The following PKNOX2 variants were observed in gnomAD, a reference collection of about 807,000 sequenced individuals.
PKNOX2 encodes homeobox protein PKNOX2.
PKNOX2 carries 14 observed loss-of-function variants against 53.1 expected under a neutral mutation model. That is an observed-to-expected ratio of 0.26 (90% CI 0.17 to 0.41). The LOEUF (loss-of-function observed/expected upper bound fraction) is 0.41. PKNOX2 is among the 10% of genes least tolerant of loss of function. PKNOX2 has a pLI of 1.00. For missense variants in PKNOX2, 496 were observed against 602.8 expected, an observed-to-expected ratio of 0.82 and a Z score of 1.85; for synonymous variants, 257 against 242.8, an observed-to-expected ratio of 1.06 and a Z score of -0.54.
At chr11:125,169,436 C>G (rs1955123764) in intron 1 of PKNOX2, among the ~76,000 whole-genome samples, 1 of 152,032 alleles carries the variant, frequency 6.6e-6, no homozygotes, top group Non-Finnish European at 1.5e-5. Context: ...AAATCTAATA[C>G]CTGGTGGGAA....
chr11:125,283,972 A>T (rs973846525), intron 2 of PKNOX2, among the ~76,000 whole-genome samples: 1 of 152,198 alleles, frequency 6.6e-6, no homozygotes, highest in Admixed American at 6.5e-5. Flanking sequence ...AATTAAGATC[A>T]TTGGTTCTGA....
intron 3 of PKNOX2, among the ~76,000 whole-genome samples, chr11:125,341,596 A>G (rs760496571): frequency 6.6e-6 from 1 of 152,168 alleles, no homozygotes; most frequent in Non-Finnish European, 1.5e-5. Flanking sequence ...TAACACAGAA[A>G]CATGCATGAT....
At chr11:125,222,666 GTGTGTGTA>G (rs1204138547) in intron 1 of PKNOX2, among the ~76,000 whole-genome samples, 8 of 149,184 alleles carry the variant, frequency 5.4e-5, no homozygotes, top group African/African-American at 2.0e-4. Context: ...CTGTGTATGT[GTGTGTGTA>G]TGTGTGTGCG....
At chr11:125,386,826 A>G (rs912618922) in intron 6 of PKNOX2, among the ~76,000 whole-genome samples, 1 of 151,836 alleles carries the variant, frequency 6.6e-6, no homozygotes, top group African/African-American at 2.4e-5. Context: ...GCTTCTCTCA[A>G]GAGCTGAATA....
At chr11:125,393,553 T>C (rs2135431269) in intron 6 of PKNOX2, among the ~76,000 whole-genome samples, 2 of 152,230 alleles carry the variant, frequency 1.3e-5, no homozygotes, top group East Asian at 3.9e-4. Flanking sequence ...GGGTTCATTC[T>C]AACACCATCA....
At position 125,300,289 on chromosome 11, in the gene PKNOX2, C is replaced by A. The variant is rs76271941; in HGVS notation, c.-129-31530C>A. 6.0e-3 allele frequency among the ~76,000 whole-genome samples: 915 copies of A among 152,360 alleles called. 6 individuals are homozygous for A. The highest frequency in any genetic ancestry group is 0.014 in the Middle Eastern group (4 of 294). The stretch of plus-strand genomic sequence containing the variant: ...TACCAGGCAATGACCACTACTACTA[C>A]TAATAATAGCAATAGCAGCTGGCAG... On this transcript the variant is annotated intron_variant, in intron 2 of 12. Coordinates refer to ENST00000298282, the MANE Select transcript of PKNOX2 (RefSeq NM_001382323.2).
At chr11:125,421,163 A>G (rs896474959) in intron 10 of PKNOX2, among the ~76,000 whole-genome samples, 1 of 152,240 alleles carries the variant, frequency 6.6e-6, no homozygotes, top group Non-Finnish European at 1.5e-5. Context: ...GAAATAAATG[A>G]TAGACATAAG....
intron 1 of PKNOX2, among the ~76,000 whole-genome samples, chr11:125,202,469 C>T (rs1431533961): frequency 2.6e-5 from 4 of 152,246 alleles, no homozygotes; most frequent in African/African-American, 9.6e-5. Flanking sequence ...GGTGGCTGCA[C>T]TGCCATGTGG....
chr11:125,400,429 G>C (rs760042948), intron 7 of PKNOX2, among the ~76,000 whole-genome samples: 1 of 152,092 alleles, frequency 6.6e-6, no homozygotes, highest in Non-Finnish European at 1.5e-5. Context: ...TTCTAACTTT[G>C]TTCATGTCAT....
At chr11:125,360,234 C>T (rs910853523) in intron 4 of PKNOX2, among the ~76,000 whole-genome samples, 2 of 151,700 alleles carry the variant, frequency 1.3e-5, no homozygotes, top group African/African-American at 4.8e-5. Context: ...GAAAGAGGCC[C>T]TGTGGGAGGT....
At chr11:125,408,777 G>A (rs550593404) in intron 7 of PKNOX2, among the ~76,000 whole-genome samples, 5 of 152,204 alleles carry the variant, frequency 3.3e-5, no homozygotes, top group Non-Finnish European at 1.5e-5. Context: ...CTTTCCCTTC[G>A]TTGCTACAGG....
intron 5 of PKNOX2, among the ~76,000 whole-genome samples, chr11:125,376,628 G>A (rs895041444): frequency 2.0e-5 from 3 of 152,216 alleles, no homozygotes; most frequent in Admixed American, 2.0e-4. Flanking sequence ...AAGAACTTGA[G>A]GATTGTGTCT....
intron 1 of PKNOX2, among the ~76,000 whole-genome samples, chr11:125,226,048 A>G (rs1466820040): frequency 6.6e-6 from 1 of 152,232 alleles, no homozygotes; most frequent in Non-Finnish European, 1.5e-5. Context: ...CTGCTGCAGA[A>G]TTTCTCTTGC....
chr11:125,222,459 C>T (rs927305392), intron 1 of PKNOX2, among the ~76,000 whole-genome samples: 1 of 152,162 alleles, frequency 6.6e-6, no homozygotes, highest in Non-Finnish European at 1.5e-5. Context: ...CAAAAATTCT[C>T]ACCTGAGTAC....
chr11:125,360,527 A>T (rs971921148), intron 4 of PKNOX2, among the ~76,000 whole-genome samples: 1 of 152,198 alleles, frequency 6.6e-6, no homozygotes, highest in Non-Finnish European at 1.5e-5. Flanking sequence ...TGCCTTGGGC[A>T]TGCCACTCAA....
At chr11:125,379,566 G>A (rs1462506203) in intron 5 of PKNOX2, among the ~76,000 whole-genome samples, 1 of 152,074 alleles carries the variant, frequency 6.6e-6, no homozygotes, top group Non-Finnish European at 1.5e-5. Flanking sequence ...GGAATATGTG[G>A]GCTTTGCTGA....
chr11:125,187,675 T>C (rs76225998), intron 1 of PKNOX2, among the ~76,000 whole-genome samples: 1 of 152,078 alleles, frequency 6.6e-6, no homozygotes, highest in Non-Finnish European at 1.5e-5. Context: ...TTTTTTTTTT[T>C]CCTAATTACT....
At position 125,165,762 on chromosome 11, in the gene PKNOX2, C is replaced by T. The variant is rs1266020443; in HGVS notation, c.-201+986C>T. On this transcript the variant is annotated intron_variant, in intron 1 of 12. Transcript: ENST00000298282. This position sits in a 1 kb window ranked among gnomAD's most constrained non-coding sequence, Gnocchi z 4.5. ...GCGCGAGGCTTGGGAATCGGGAGCC[C>T]TTCTGGCTCGAGAACTAGGGGATGA... Among the ~76,000 whole-genome samples, 1 of 152,188 alleles carries T rather than the reference C, an allele frequency of 6.6e-6. No homozygotes were observed. Among genetic ancestry groups the T allele is most frequent in the Non-Finnish European group, 1.5e-5 (1 of 68,026 alleles).
intron 2 of PKNOX2, among the ~76,000 whole-genome samples, chr11:125,279,968 A>C (rs1018856205): frequency 6.6e-6 from 1 of 151,942 alleles, no homozygotes; most frequent in Non-Finnish European, 1.5e-5. Flanking sequence ...ATGGGGGATT[A>C]ACTCATTTTA....
Sources: gnomAD v4.1 joint callset for allele counts (sites outside exome capture counted in the v4.1 genomes callset) on GRCh38, gnomAD v4.1.1 for gene constraint, Gnocchi (gnomAD v3.1) non-coding constraint, MANE v1.5 for transcripts, NCBI Gene and HGNC (gene_info 2026-07-23, HGNC 2026-07-21) for gene names.